ZNF709: variants seen among roughly 807,000 people sequenced by gnomAD.
The protein encoded by ZNF709 is zinc finger protein 709.
ZNF709 carries 15 observed loss-of-function variants against 10.6 expected under a neutral mutation model. The ratio of observed to expected loss-of-function variants is 1.41; its 90% CI spans 0.95 to 2.18. ZNF709 has a LOEUF of 2.18. ZNF709 is among the 30% of genes most tolerant of loss of function. The pLI is 0.00. For synonymous variants in ZNF709, 194 were observed against 238.8 expected (o/e 0.81, Z 1.73); for missense variants, 589 against 774.0 (o/e 0.76, Z 2.84).
chr19:12,466,799 C>A lies in ZNF709; in HGVS notation c.55G>T (p.Ala19Ser), dbSNP rs763681269. The change falls in exon 2 of 4, where the codon GCT becomes TCT. Residue 19 changes from alanine (A) to serine (S), a missense_variant. This residue lies in a region of ZNF709 where 418 missense variants were observed against 496.3 expected (regional missense o/e 0.84). Coordinates refer to ENST00000397732, the MANE Select transcript of ZNF709 (RefSeq NM_152601.4). ...VAVNFTQEEW[A>S]LLGPSQKKLY... is the part of the protein sequence containing the mutation. ...TTCTTCTGAGAGGGACCCAGCAAAG[C>A]CCACTCCTCCTGGGTGAAGTTCACA... The A allele has an allele frequency of 8.7e-6, 14 of 1,614,016 alleles. No individual in the cohort carries two copies. Among genetic ancestry groups the A allele is most frequent in the Non-Finnish European group, 1.2e-5 (14 of 1,179,950 alleles).
chr19:12,472,753 C>A lies in ZNF709; in HGVS notation c.4-5903G>T, dbSNP rs369049273. 2.5e-3 allele frequency among the ~76,000 whole-genome samples: 380 copies of A among 151,642 alleles called. 2 individuals are homozygous for A. The highest frequency in any genetic ancestry group is 8.6e-3 in the African/African-American group (356 of 41,348). On this transcript the variant is annotated intron_variant, in intron 1 of 3. Coordinates refer to ENST00000397732, the MANE Select transcript of ZNF709 (RefSeq NM_152601.4). ...CAAAAATTAGCCAGGTGTGGTGGCA[C>A]GGGCCTGTAATCCTGGCTACTCAGG...
At position 12,466,668 on chromosome 19, in the gene ZNF709, G is replaced by A. The variant is rs994897691; in HGVS notation, c.130+56C>T. 2.2e-5 allele frequency: 36 copies of A among 1,612,192 alleles called. No individual in the cohort carries two copies. The Admixed American group carries it at 3.0e-4, about 13-fold the overall frequency. On this transcript the variant is annotated intron_variant, in intron 2 of 3. Transcript: ENST00000397732. Reference sequence around the variant, plus strand: ...TTCTAAACCTTGGAACCTTGCTGATGAGCAAGAAACACTTGTTCTCTAATT... The same window carrying A: ...TTCTAAACCTTGGAACCTTGCTGATAAGCAAGAAACACTTGTTCTCTAATT...
In ZNF709 at chr19:12,464,448, G is replaced by A. The variant is rs777327200; in HGVS notation, c.1474C>T (p.Arg492Trp). The change falls in exon 4 of 4, where the codon CGG (arginine) becomes TGG (tryptophan). Residue 492 changes from arginine to tryptophan, a missense_variant. By Grantham distance (101) the Arg-to-Trp change is moderately radical. Transcript: ENST00000397732. ...GKAFSFSSSF[R>W]MHERTHTGEK... ...CCAGTGTGAGTCCTTTCATGCATCC[G>A]AAAGGAACTAGAAAAACTAAAGGCT... 8.7e-6 allele frequency: 14 copies of A among 1,612,062 alleles called. No individual in the cohort carries two copies. Among genetic ancestry groups the A allele is most frequent in the African/African-American group, 8.0e-5 (6 of 74,722 alleles).
chr19:12,461,806 C>A lies in ZNF709; in HGVS notation c.*2190G>T, dbSNP rs370510076. 3 of 152,128 alleles carry A rather than the reference C, an allele frequency of 2.0e-5. No homozygotes were observed. Among genetic ancestry groups the A allele is most frequent in the African/African-American group, 7.2e-5 (3 of 41,436 alleles). 9.4% of individuals were successfully genotyped at this position (152,128 alleles called of 1,614,324 possible). A position where few individuals can be genotyped will look rare whatever the true frequency, so the allele number is the denominator to read the frequency against. ...AGCTGGGGCCATGCACAGTGGCTCA[C>A]GCCTGTAATCTCAGCACTTTGGAAG... is the stretch of plus-strand genomic sequence containing the variant. On this transcript the variant is annotated 3_prime_UTR_variant, in exon 4 of 4. Transcript: ENST00000397732.
Position 12,466,731 on chromosome 19 carries a change from G to A in ZNF709, c.123C>T (p.Ala41=), listed in dbSNP as rs538228624. The A allele has an allele frequency of 2.7e-5, 43 of 1,613,936 alleles. No individual in the cohort carries two copies. In the South Asian group the frequency reaches 3.7e-4, roughly 14 times the overall value. The change falls in exon 2 of 4, where the codon GCC becomes GCT. Residue 41 remains alanine, a synonymous_variant. Coordinates refer to ENST00000397732, the MANE Select transcript of ZNF709 (RefSeq NM_152601.4). Reference sequence around the variant, plus strand: ...GAATAATTTCATTCTTACCTATAGAGGCCAAGTTAACAAAGGTTTCTTGCA... The same window carrying A: ...GAATAATTTCATTCTTACCTATAGAAGCCAAGTTAACAAAGGTTTCTTGCA... The part of the protein sequence containing the change: ...DVMQETFVNL[A]SIGENWEEKN...
chr19:12,471,014 G>A (rs1217843503), intron 1 of ZNF709, among the ~76,000 whole-genome samples: 1 of 151,274 alleles, frequency 6.6e-6, no homozygotes, highest in Non-Finnish European at 1.5e-5. Context: ...TTCCTTCTTA[G>A]AGTCTGGACT....
chr19:12,477,386 G>T (rs1970685797), intron 1 of ZNF709, among the ~76,000 whole-genome samples: 1 of 152,150 alleles, frequency 6.6e-6, no homozygotes, highest in South Asian at 2.1e-4. Flanking sequence ...AAGTGCCAAA[G>T]ATTTAATTTA....
chr19:12,483,391 C>A (rs184649636), intron 1 of ZNF709, among the ~76,000 whole-genome samples: 1 of 149,628 alleles, frequency 6.7e-6, no homozygotes, highest in African/African-American at 2.5e-5. Context: ...TGAGCTCAAG[C>A]GATCCTCCTG....
At chr19:12,471,645 T>A (rs1488647825) in intron 1 of ZNF709, among the ~76,000 whole-genome samples, 1 of 152,138 alleles carries the variant, frequency 6.6e-6, no homozygotes, top group Non-Finnish European at 1.5e-5. Context: ...GTGTCTTCAA[T>A]GGACTGGCAT....
At chr19:12,468,690 TAAAA>T (rs1039961850) in intron 1 of ZNF709, among the ~76,000 whole-genome samples, 4 of 82,356 alleles carry the variant, frequency 4.9e-5, no homozygotes, top group Non-Finnish European at 1.1e-4. Context: ...GAATGATCAA[TAAAA>T]AAAAAAAAAA....
chr19:12,472,621 G>A (rs879458258), intron 1 of ZNF709, among the ~76,000 whole-genome samples: 1 of 151,688 alleles, frequency 6.6e-6, no homozygotes, highest in Non-Finnish European at 1.5e-5. Context: ...GGTGGCTCAC[G>A]CCTGTAATCC....
At chr19:12,472,961 CA>C (rs777175009) in intron 1 of ZNF709, among the ~76,000 whole-genome samples, 51 of 152,236 alleles carry the variant, frequency 3.4e-4, no homozygotes, top group Admixed American at 3.3e-3. Context: ...CAATTTCTTA[CA>C]TATTAGAAGG....
In ZNF709 at chr19:12,464,172, C is replaced by T. The variant is rs1970542795; in HGVS notation, c.1750G>A (p.Gly584Arg). The T allele has an allele frequency of 1.3e-6, 2 of 1,577,476 alleles. No homozygotes were observed. The highest frequency in any genetic ancestry group is 2.7e-5 in the African/African-American group (2 of 73,716). The change falls in exon 4 of 4, where the codon GGA becomes AGA. Residue 584 changes from glycine (G) to arginine (R), a missense_variant. By Grantham distance (125) the Gly-to-Arg change is moderately radical (BLOSUM62 -2). This residue lies in a region of ZNF709 where 171 missense variants were observed against 277.7 expected (regional missense o/e 0.62). Coordinates refer to ENST00000397732, the MANE Select transcript of ZNF709 (RefSeq NM_152601.4). ...TGTTTACATTCATAGGGTTTCACTC[C>T]AGTGTGAGTCCTTTCATGCATTCGA... ...SVRMHERTHT[G>R]VKPYECKQCD...
chr19:12,469,825 G>A (rs568510927), intron 1 of ZNF709, among the ~76,000 whole-genome samples: 11 of 152,150 alleles, frequency 7.2e-5, no homozygotes, highest in Middle Eastern at 3.4e-3. Context: ...TCAGGACTGC[G>A]ACCACTGTTA....
At position 12,462,255 on chromosome 19, in the gene ZNF709, C is replaced by T. The variant is rs1461700672; in HGVS notation, c.*1741G>A. 1 of 152,176 alleles carries T rather than the reference C, an allele frequency of 6.6e-6. No homozygotes were observed. Among genetic ancestry groups the T allele is most frequent in the East Asian group, 1.9e-4 (1 of 5,198 alleles). 9.4% of individuals were successfully genotyped at this position (152,176 alleles called of 1,614,324 possible). On this transcript the variant is annotated 3_prime_UTR_variant, in exon 4 of 4. Coordinates refer to ENST00000397732, the MANE Select transcript of ZNF709 (RefSeq NM_152601.4). ...AAGCTCCTATGCATCCATCTGTCTC[C>T]ACATATGGTGGCTATAAAACCTGAC...
rs951835822 is a variant in ZNF709 at position 12,473,811 on chromosome 19, G to A, written c.4-6961C>T. ...TAACCCCAGCACTTTGGGAGGCCAA[G>A]GTGGGAGGATCACTTGATGCCAGGA... On this transcript the variant is annotated intron_variant, in intron 1 of 3. Transcript: ENST00000397732. Among the ~76,000 whole-genome samples the A allele has an allele frequency of 4.6e-5, 7 of 152,314 alleles. No homozygotes were observed. In the South Asian group the frequency reaches 8.3e-4, roughly 18 times the overall value.
intron 1 of ZNF709, among the ~76,000 whole-genome samples, chr19:12,475,286 A>G (rs1279675483): frequency 6.8e-6 from 1 of 147,150 alleles, no homozygotes; most frequent in African/African-American, 2.6e-5. Context: ...AAAAAAATCT[A>G]AGCATCTACA....
At chr19:12,469,345 CTTGT>C (rs1970614293) in intron 1 of ZNF709, among the ~76,000 whole-genome samples, 1 of 152,152 alleles carries the variant, frequency 6.6e-6, no homozygotes, top group Non-Finnish European at 1.5e-5. Flanking sequence ...TTAATTTTAA[CTTGT>C]TTGTATAATA....
chr19:12,471,081 GC>G lies in ZNF709; in HGVS notation c.4-4232del, dbSNP rs761207952. 1.8e-4 allele frequency among the ~76,000 whole-genome samples: 27 copies of G among 152,196 alleles called. 1 individual carries two copies. Among genetic ancestry groups the G allele is most frequent in the East Asian group, 1.5e-3 (8 of 5,182 alleles). The stretch of plus-strand genomic sequence containing the variant: ...GATCCGCCCCCCAAAAGCACTGTGA[GC>G]ACTGGGTCTCTAATGAGCTTCCCTA... On this transcript the variant is annotated intron_variant, in intron 1 of 3. Transcript: ENST00000397732.
Sources: allele counts gnomAD v4.1 joint callset (sites outside exome capture counted in the v4.1 genomes callset), GRCh38; gene constraint gnomAD v4.1.1; regional missense constraint gnomAD v4.1.1; transcripts MANE v1.5; gene names NCBI Gene and HGNC (gene_info 2026-07-23, HGNC 2026-07-21).